Variants in CERKL observed in about 807,000 individuals in gnomAD.
The protein encoded by CERKL is CERK like autophagy regulator.
Under a neutral mutation model 63.4 loss-of-function variants are expected in CERKL, and 61 were observed. That is an observed-to-expected ratio of 0.96 (90% CI 0.78 to 1.19). The LOEUF is 1.19. Among genes scored for constraint, CERKL ranks in the 50% most tolerant of loss-of-function variants. The probability of loss-of-function intolerance (pLI) is 0.00; values close to 1 mark genes in which losing one functional copy is unlikely to be tolerated. For synonymous variants in CERKL, 250 were observed against 230.5 expected, an observed-to-expected ratio of 1.08 and a Z score of -0.77; for missense variants, 675 against 655.5, an observed-to-expected ratio of 1.03 and a Z score of -0.33.
intron 3 of CERKL, among the ~76,000 whole-genome samples, chr2:181,572,731 C>T (rs985025328): frequency 2.7e-5 from 4 of 147,876 alleles, no homozygotes; most frequent in African/African-American, 1.0e-4. Flanking sequence ...TCTCGAACCT[C>T]TATAGTTATA....
intron 1 of CERKL, among the ~76,000 whole-genome samples, chr2:181,630,562 C>A (rs1214098485): frequency 1.3e-5 from 2 of 152,066 alleles, no homozygotes; most frequent in Non-Finnish European, 2.9e-5. Flanking sequence ...AAGGAAGACA[C>A]CAGAGATCTC....
chr2:181,642,538 T>C (rs1687488679), intron 1 of CERKL, among the ~76,000 whole-genome samples: 1 of 152,192 alleles, frequency 6.6e-6, no homozygotes, highest in Admixed American at 6.5e-5. Context: ...CTTGTAACAA[T>C]AAGAAACACT....
chr2:181,555,427 T>C (rs1003849364), intron 5 of CERKL, among the ~76,000 whole-genome samples: 9 of 152,194 alleles, frequency 5.9e-5, no homozygotes, highest in African/African-American at 2.2e-4. Context: ...TGTCTTCTAC[T>C]TAGAAACCAT....
chr2:181,656,649 C>T, intron 1 of CERKL, 120 bp downstream of exon 1: 1 of 873,822 alleles, frequency 1.1e-6, no homozygotes, highest in South Asian at 1.8e-5. Context: ...GTGAGGCGAG[C>T]ACGGGGAGGG....
rs139183162 is a variant in CERKL at position 181,539,180 on chromosome 2, C to G, written c.1450G>C (p.Glu484Gln). 6.2e-7 allele frequency: 1 copy of G among 1,606,248 alleles called. No homozygotes were observed. The highest frequency in any genetic ancestry group is 8.5e-7 in the Non-Finnish European group (1 of 1,172,972). ...TCTGAAGCAGTTTCATCCTCCTCCT[C>G]CTCTGGATTATATCCACCAGTATTA... is the stretch of plus-strand genomic sequence containing the variant. ...RNNTGGYNPEEEEDETASENC... is the reference protein window; with the variant it reads ...RNNTGGYNPEQEEDETASENC... Residue 484 changes from glutamate to glutamine, a missense_variant, in exon 12 of 13, where the codon GAG becomes CAG. Coordinates refer to ENST00000410087, the MANE Select transcript of CERKL (RefSeq NM_201548.5).
At chr2:181,571,573 A>G (rs1688904075) in intron 3 of CERKL, among the ~76,000 whole-genome samples, 1 of 152,106 alleles carries the variant, frequency 6.6e-6, no homozygotes, top group Admixed American at 6.6e-5. Context: ...CAACAGTATG[A>G]TAAAAAAAAA....
chr2:181,587,006 C>G (rs1410627405), intron 2 of CERKL, among the ~76,000 whole-genome samples: 1 of 152,156 alleles, frequency 6.6e-6, no homozygotes, highest in Non-Finnish European at 1.5e-5. Context: ...AACCACAAGT[C>G]TCAGGAGCTA....
chr2:181,596,990 C>A (rs1574483424), intron 2 of CERKL, among the ~76,000 whole-genome samples: 2 of 152,224 alleles, frequency 1.3e-5, no homozygotes, highest in Admixed American at 6.5e-5. Flanking sequence ...TTTTCAATTT[C>A]TCTTTTTTGA....
intron 2 of CERKL, among the ~76,000 whole-genome samples, chr2:181,577,616 A>T (rs1347067127): frequency 1.3e-5 from 2 of 152,172 alleles, no homozygotes; most frequent in Non-Finnish European, 2.9e-5. Context: ...GGACAATTCC[A>T]GAGGGTAGAG....
At chr2:181,568,853 T>A (rs1574458084) in intron 3 of CERKL, among the ~76,000 whole-genome samples, 1 of 105,618 alleles carries the variant, frequency 9.5e-6, no homozygotes, top group African/African-American at 3.6e-5. Context: ...ACCCCACAAC[T>A]GTCCCCAGAG....
chr2:181,625,350 T>C (rs746723945), intron 1 of CERKL, among the ~76,000 whole-genome samples: 4 of 150,894 alleles, frequency 2.7e-5, no homozygotes, highest in Non-Finnish European at 5.9e-5. Context: ...AGCTAGAAAG[T>C]TGGGGGGTGG....
chr2:181,539,146 A>G lies in CERKL; in HGVS notation c.1484T>C (p.Phe495Ser). 6.2e-7 allele frequency: 1 copy of G among 1,609,816 alleles called. No individual in the cohort carries two copies. Among genetic ancestry groups the G allele is most frequent in the Non-Finnish European group, 8.5e-7 (1 of 1,176,240 alleles). Reference sequence around the variant, plus strand: ...TAAGTCACCATCTACATTCCAAGGGAAACAATTTTCTGAAGCAGTTTCATC... The same window carrying G: ...TAAGTCACCATCTACATTCCAAGGGGAACAATTTTCTGAAGCAGTTTCATC... ...EEDETASENC[F>S]PWNVDGDLME... Residue 495 changes from phenylalanine to serine, a missense_variant, in exon 12 of 13, where the codon TTC (phenylalanine) becomes TCC (serine). Physicochemically the swap from Phe to Ser is radical, Grantham distance 155. Coordinates refer to ENST00000410087, the MANE Select transcript of CERKL (RefSeq NM_201548.5).
intron 1 of CERKL, among the ~76,000 whole-genome samples, chr2:181,639,541 G>C (rs938819681): frequency 2.6e-5 from 4 of 152,132 alleles, no homozygotes; most frequent in Non-Finnish European, 2.9e-5. Flanking sequence ...GTTGATGATG[G>C]AACTGTCTTA....
chr2:181,563,259 A>G (rs1488656092), intron 4 of CERKL, among the ~76,000 whole-genome samples: 6 of 152,144 alleles, frequency 3.9e-5, no homozygotes, highest in South Asian at 2.1e-4. Context: ...ACTAGCTGTC[A>G]TAAGTGCTGA....
rs370549271 is a variant in CERKL at position 181,549,732 on chromosome 2, G to C, written c.821-24C>G. The C allele has an allele frequency of 7.4e-6, 11 of 1,483,154 alleles. No individual in the cohort carries two copies. In the African/African-American group the frequency reaches 1.1e-4, roughly 15 times the overall value. 91.9% of individuals were successfully genotyped at this position (1,483,154 alleles called of 1,614,324 possible). On this transcript the variant is annotated intron_variant, in intron 5 of 12. Transcript: ENST00000410087. ...TCCTGCCAAAGCAATTTTAAAACAT[G>C]CACTATTAGGGTAGAATGTGTTCAA...
At chr2:181,622,778 T>C (rs560518561) in intron 1 of CERKL, among the ~76,000 whole-genome samples, 67 of 152,344 alleles carry the variant, frequency 4.4e-4, no homozygotes, top group African/African-American at 1.5e-3. Flanking sequence ...GTTGATTGAA[T>C]ATAAATGTTA....
Position 181,585,577 on chromosome 2 carries a change from G to T in CERKL, c.482-11693C>A, listed in dbSNP as rs141753861. On this transcript the variant is annotated intron_variant, in intron 2 of 12. Transcript: ENST00000410087. ...CTAGATCCCTTAGAAAAAATATTTAGCATGAAAAAACAAGCAACCCCTTAT... is the reference window on the plus strand; with the variant it reads ...CTAGATCCCTTAGAAAAAATATTTATCATGAAAAAACAAGCAACCCCTTAT... Among the ~76,000 whole-genome samples the T allele has an allele frequency of 6.1e-3, 931 of 152,066 alleles. 4 individuals are homozygous for T. The highest frequency in any genetic ancestry group is 0.016 in the South Asian group (77 of 4,812).
At chr2:181,538,635 A>AGTT (rs1687328912) in intron 12 of CERKL, among the ~76,000 whole-genome samples, 1 of 152,166 alleles carries the variant, frequency 6.6e-6, no homozygotes, top group Non-Finnish European at 1.5e-5. Context: ...TCCCAAGGGA[A>AGTT]GTTGAATGCT....
At chr2:181,645,991 GCA>G (rs1319747058) in intron 1 of CERKL, among the ~76,000 whole-genome samples, 6 of 152,182 alleles carry the variant, frequency 3.9e-5, no homozygotes, top group African/African-American at 1.4e-4. Context: ...GAAGTATGTA[GCA>G]GATGGGAATT....
Sources: allele counts gnomAD v4.1 joint callset (sites outside exome capture counted in the v4.1 genomes callset), GRCh38; gene constraint gnomAD v4.1.1; transcripts MANE v1.5; gene names NCBI Gene and HGNC (gene_info 2026-07-23, HGNC 2026-07-21).